KCNAB1: variants seen among roughly 807,000 people sequenced by gnomAD.
KCNAB1 encodes the protein potassium voltage-gated channel subfamily A regulatory beta subunit 1.
A neutral mutation model predicts 64.6 loss-of-function variants in KCNAB1; 35 were observed. The ratio of observed to expected loss-of-function variants is 0.54; its 90% CI spans 0.41 to 0.72. The LOEUF (loss-of-function observed/expected upper bound fraction) is 0.72. Ranked by LOEUF, KCNAB1 falls within the 30% of genes least tolerant of loss-of-function variation. The pLI is 0.00. For synonymous variants in KCNAB1, 177 were observed against 183.8 expected (o/e 0.96, Z 0.30); for missense variants, 401 against 512.9 (o/e 0.78, Z 2.11).
intron 1 of KCNAB1, among the ~76,000 whole-genome samples, chr3:156,400,262 A>G (rs1223323046): frequency 6.6e-6 from 1 of 152,226 alleles, no homozygotes; most frequent in Non-Finnish European, 1.5e-5. Flanking sequence ...GTGCACAGGC[A>G]ATGTGTTTGG....
intron 1 of KCNAB1, among the ~76,000 whole-genome samples, chr3:156,377,811 TA>T (rs1227107988): frequency 1.3e-5 from 2 of 151,954 alleles, no homozygotes; most frequent in Non-Finnish European, 2.9e-5. Flanking sequence ...AAAGCTTCCA[TA>T]AGAACAAGCT....
At chr3:156,128,877 AG>A (rs1157733177) in intron 1 of KCNAB1, among the ~76,000 whole-genome samples, 1 of 152,250 alleles carries the variant, frequency 6.6e-6, no homozygotes, top group African/African-American at 2.4e-5. Flanking sequence ...CGCAAGGGTA[AG>A]TTTTAAAATA....
intron 12 of KCNAB1, among the ~76,000 whole-genome samples, chr3:156,530,307 C>T (rs1718614741): frequency 6.6e-6 from 1 of 152,136 alleles, no homozygotes; most frequent in Non-Finnish European, 1.5e-5. Flanking sequence ...TCTTCTGAAA[C>T]TGGAGGATAT....
intron 1 of KCNAB1, among the ~76,000 whole-genome samples, chr3:156,288,428 G>T (rs1319091057): frequency 1.3e-5 from 2 of 152,310 alleles, no homozygotes; most frequent in East Asian, 3.9e-4. Context: ...TGATAGCAGT[G>T]AAGACTCTTC....
rs572592422 is a variant in KCNAB1 at position 156,463,813 on chromosome 3, AT to A, written c.527+71del. The stretch of plus-strand genomic sequence containing the variant: ...CATGCTTTTTTGCTGTTAGGCAGTT[AT>A]TTTACATATAACGTACCAAAATTAA... On this transcript the variant is annotated intron_variant, in intron 6 of 13. Coordinates refer to ENST00000490337, the MANE Select transcript of KCNAB1 (RefSeq NM_172160.3). 3.4e-4 allele frequency: 435 copies of A among 1,273,808 alleles called. 5 individuals carry two copies. In the South Asian group the frequency reaches 5.4e-3, roughly 16 times the overall value. The allele number at this position is 1,273,808 out of a possible 1,614,324, so 78.9% of individuals were successfully genotyped here. A position where few individuals can be genotyped will look rare whatever the true frequency, so the allele number is the denominator to read the frequency against.
chr3:156,377,065 A>G (rs1452668222), intron 1 of KCNAB1, among the ~76,000 whole-genome samples: 1 of 152,226 alleles, frequency 6.6e-6, no homozygotes, highest in Non-Finnish European at 1.5e-5. Flanking sequence ...TGAGTCATTA[A>G]TGGAAAATTC....
chr3:156,486,887 CT>C (rs1715258782), intron 8 of KCNAB1, among the ~76,000 whole-genome samples: 1 of 152,096 alleles, frequency 6.6e-6, no homozygotes, highest in African/African-American at 2.4e-5. Context: ...GACTTTAGGT[CT>C]CTGTATTACC....
chr3:156,474,656 C>A, intron 7 of KCNAB1, 78 bp from the exon 8 acceptor site: 2 of 1,021,654 alleles, frequency 2.0e-6, no homozygotes, highest in Non-Finnish European at 1.5e-6. Flanking sequence ...AAAGCAAATT[C>A]TTGAAAGAAA....
chr3:156,476,144 T>A (rs1245141317), intron 8 of KCNAB1, among the ~76,000 whole-genome samples: 2 of 152,106 alleles, frequency 1.3e-5, no homozygotes, highest in African/African-American at 2.4e-5. Context: ...CTCTTTTTTT[T>A]ATTTTTTATC....
intron 2 of KCNAB1, among the ~76,000 whole-genome samples, chr3:156,440,224 A>C (rs1347592973): frequency 2.6e-5 from 4 of 152,246 alleles, no homozygotes; most frequent in African/African-American, 9.6e-5. Flanking sequence ...AGAACAATTC[A>C]AAATACTGTT....
chr3:156,492,018 T>G (rs1715668011), intron 8 of KCNAB1, among the ~76,000 whole-genome samples: 1 of 152,110 alleles, frequency 6.6e-6, no homozygotes. Context: ...GTAAGTCTTT[T>G]GTTTCAGGTC....
intron 3 of KCNAB1, among the ~76,000 whole-genome samples, chr3:156,456,738 C>T (rs1241560875): frequency 6.6e-6 from 1 of 152,204 alleles, no homozygotes; most frequent in East Asian, 1.9e-4. Flanking sequence ...TTCTCCACTG[C>T]TGTTTATGGC....
intron 8 of KCNAB1, among the ~76,000 whole-genome samples, chr3:156,498,653 T>C (rs1303386132): frequency 1.3e-5 from 2 of 152,218 alleles, no homozygotes; most frequent in African/African-American, 4.8e-5. Flanking sequence ...CATGACCTAA[T>C]TAAAGAAGAC....
intron 1 of KCNAB1, among the ~76,000 whole-genome samples, chr3:156,167,333 T>A (rs540047034): frequency 6.6e-6 from 1 of 152,282 alleles, no homozygotes; most frequent in African/African-American, 2.4e-5. Context: ...AGATTCCATC[T>A]ACAGTTATGA....
At chr3:156,360,324 C>G (rs1440986765) in intron 1 of KCNAB1, among the ~76,000 whole-genome samples, 1 of 152,192 alleles carries the variant, frequency 6.6e-6, no homozygotes, top group Admixed American at 6.5e-5. Flanking sequence ...ACTCCTAACT[C>G]CTGACTCACC....
Position 156,176,431 on chromosome 3 carries a change from T to TA in KCNAB1, c.275+55546dup, listed in dbSNP as rs1392132314. On this transcript the variant is annotated intron_variant, in intron 1 of 13. Transcript: ENST00000490337. ...TCACTGCTAGTGCAAACAAGGTGGC[T>TA]AGATAACAGGAATTCACAAAGGAAG... The TA allele has an allele frequency of 5.5e-5, 43 of 784,688 alleles. No individual in the cohort carries two copies. The African/African-American group carries it at 6.1e-4, about 11-fold the overall frequency. 48.6% of individuals were successfully genotyped at this position (784,688 alleles called of 1,614,324 possible). A position where few individuals can be genotyped will look rare whatever the true frequency, so the allele number is the denominator to read the frequency against.
chr3:156,511,024 A>G (rs1717170629), intron 8 of KCNAB1, among the ~76,000 whole-genome samples: 1 of 152,222 alleles, frequency 6.6e-6, no homozygotes, highest in African/African-American at 2.4e-5. Context: ...TAATAAATGT[A>G]TATACACCTC....
chr3:156,297,923 A>G (rs138531443), intron 1 of KCNAB1, among the ~76,000 whole-genome samples: 2 of 152,182 alleles, frequency 1.3e-5, no homozygotes, highest in African/African-American at 4.8e-5. Flanking sequence ...CCAGAAAAAA[A>G]GAGCAGTTTG....
intron 1 of KCNAB1, among the ~76,000 whole-genome samples, chr3:156,238,283 A>C (rs1053210564): frequency 1.5e-4 from 23 of 152,116 alleles, no homozygotes; most frequent in Admixed American, 2.6e-4. Context: ...TTAGCTGGCC[A>C]TGGTGGTGGG....
Sources: gnomAD v4.1 joint callset for allele counts (sites outside exome capture counted in the v4.1 genomes callset) on GRCh38, gnomAD v4.1.1 for gene constraint, MANE v1.5 for transcripts, NCBI Gene and HGNC (gene_info 2026-07-23, HGNC 2026-07-21) for gene names.